ZNF254: variants seen among roughly 807,000 people sequenced by gnomAD.
ZNF254 encodes zinc finger protein 254.
In ZNF254, 10 loss-of-function variants were observed where a neutral mutation model predicts 12.4. The ratio of observed to expected loss-of-function variants is 0.80; its 90% CI spans 0.50 to 1.36. The LOEUF (loss-of-function observed/expected upper bound fraction) is 1.36, where lower values mean the gene tolerates loss of function less well. Ranked by LOEUF, ZNF254 falls within the 40% of genes most tolerant of loss-of-function variation. ZNF254 has a pLI of 0.00. For missense variants in ZNF254, 996 were observed against 763.9 expected, an observed-to-expected ratio of 1.30 and a Z score of -3.58; for synonymous variants, 305 against 253.4, an observed-to-expected ratio of 1.20 and a Z score of -1.93.
In ZNF254 at chr19:24,046,387, A is replaced by ATATATATATATATATATG. The variant is rs1291244719; in HGVS notation, c.-94+121_-94+122insATATGTATATATATATAT. 8.9e-4 allele frequency: 89 copies of ATATATATATATATATATG among 100,048 alleles called. 1 individual carries two copies. Among genetic ancestry groups the ATATATATATATATATATG allele is most frequent in the African/African-American group, 2.9e-3 (85 of 29,196 alleles). The allele number at this position is 100,048 out of a possible 1,614,324, so 6.2% of individuals were successfully genotyped here. ...TTTATTATTTTTTATATATATATAT[A>ATATATATATATATATATG]TATATATATATATGTGCAGATCTGT... is the stretch of plus-strand genomic sequence containing the variant. On this transcript the variant is annotated intron_variant, in intron 2 of 4. Transcript: ENST00000613065.
chr19:24,072,315 G>A (rs766375382), intron 2 of ZNF254, among the ~76,000 whole-genome samples: 1 of 152,032 alleles, frequency 6.6e-6, no homozygotes, highest in Non-Finnish European at 1.5e-5. Flanking sequence ...GGGGTTAGAG[G>A]CATGCACCAC....
intron 1 of ZNF254, among the ~76,000 whole-genome samples, chr19:24,038,315 A>G (rs1970039519): frequency 6.6e-6 from 1 of 152,170 alleles, no homozygotes; most frequent in Non-Finnish European, 1.5e-5. Flanking sequence ...ATTATAGCCA[A>G]TTAGCAACCA....
intron 1 of ZNF254, among the ~76,000 whole-genome samples, chr19:24,039,408 T>C (rs1413531509): frequency 6.8e-6 from 1 of 146,110 alleles, no homozygotes; most frequent in Non-Finnish European, 1.5e-5. Flanking sequence ...GGAGAAAGTT[T>C]TTTTGTTGTT....
intron 2 of ZNF254, among the ~76,000 whole-genome samples, chr19:24,063,023 A>G (rs567683138): frequency 9.0e-6 from 1 of 110,794 alleles, no homozygotes; most frequent in East Asian, 2.0e-4. Context: ...CTGGTCTTGA[A>G]CTCCTGACCT....
intron 2 of ZNF254, among the ~76,000 whole-genome samples, chr19:24,050,669 T>G (rs563730758): frequency 6.6e-6 from 1 of 152,350 alleles, no homozygotes; most frequent in African/African-American, 2.4e-5. Flanking sequence ...TTGCTGAGGT[T>G]GTGTGACTCT....
At chr19:24,080,685 TA>T in intron 2 of ZNF254, 1 of 150,026 alleles carries the variant, frequency 6.7e-6, no homozygotes, top group African/African-American at 2.5e-5. Flanking sequence ...TACAAAAAAT[TA>T]GCCAGAAATT....
At chr19:24,049,208 A>ATG (rs1370365405) in intron 2 of ZNF254, among the ~76,000 whole-genome samples, 3 of 47,570 alleles carry the variant, frequency 6.3e-5, no homozygotes, top group Admixed American at 4.7e-4. Context: ...ATATATATAT[A>ATG]TATATATTTT....
intron 2 of ZNF254, among the ~76,000 whole-genome samples, chr19:24,060,876 A>G (rs1484065596): frequency 6.6e-6 from 1 of 152,170 alleles, no homozygotes; most frequent in Admixed American, 6.5e-5. Flanking sequence ...CACCTTGATT[A>G]TGTGACTCTC....
rs576772702 is a variant in ZNF254 at position 24,053,681 on chromosome 19, A to T, written c.-94+7402A>T. Among the ~76,000 whole-genome samples, 6 of 152,170 alleles carry T rather than the reference A, an allele frequency of 3.9e-5. No homozygotes were observed. In the South Asian group the frequency reaches 1.2e-3, roughly 32 times the overall value. On this transcript the variant is annotated intron_variant, in intron 2 of 4. Transcript: ENST00000613065. ...CTGTGCTGCCTGGTTCCTCTTGTACATTGTGTATTGTGACATGTGGCTTGT... is the reference window on the plus strand; with the variant it reads ...CTGTGCTGCCTGGTTCCTCTTGTACTTTGTGTATTGTGACATGTGGCTTGT...
At chr19:24,085,236 A>G (rs189593292), upstream of ZNF254, among the ~76,000 whole-genome samples, 1 of 150,888 alleles carries the variant, frequency 6.6e-6, no homozygotes, top group Non-Finnish European at 1.5e-5. Context: ...CCAGCCCAGA[A>G]TTTTTTTTAA....
chr19:24,127,635 C>T lies in ZNF254; in HGVS notation c.1635C>T (p.Pro545=). The part of the protein sequence containing the change: ...KHKIIHTEEK[P]YKCEKCGKAF... ...AGATAATTCATACTGAAGAGAAACC[C>T]TACAAATGTGAAAAATGTGGCAAAG... The change falls in exon 4 of 4, where the codon CCC becomes CCT. Residue 545 remains proline (P), a synonymous_variant. Coordinates refer to ENST00000357002, the MANE Select transcript of ZNF254 (RefSeq NM_203282.4). The T allele has an allele frequency of 6.2e-7, 1 of 1,610,742 alleles. No homozygotes were observed. The highest frequency in any genetic ancestry group is 2.3e-5 in the East Asian group (1 of 44,412).
chr19:24,092,529 C>T (rs1314554230), intron 1 of ZNF254, among the ~76,000 whole-genome samples: 1 of 152,054 alleles, frequency 6.6e-6, no homozygotes, highest in Admixed American at 6.6e-5. Flanking sequence ...GCATGCACCA[C>T]CATACCTAGG....
intron 2 of ZNF254, among the ~76,000 whole-genome samples, chr19:24,059,466 A>G (rs1319260856): frequency 6.6e-6 from 1 of 152,032 alleles, no homozygotes; most frequent in African/African-American, 2.4e-5. Context: ...TTCTTCAGTC[A>G]TTTTCACAGG....
At chr19:24,067,613 A>G (rs1447473864) in intron 2 of ZNF254, among the ~76,000 whole-genome samples, 1 of 152,066 alleles carries the variant, frequency 6.6e-6, no homozygotes, top group African/African-American at 2.4e-5. Flanking sequence ...TCTTTTACCT[A>G]GGTGATGTGA....
intron 3 of ZNF254, among the ~76,000 whole-genome samples, chr19:24,124,721 G>T (rs1291055684): frequency 3.3e-5 from 5 of 150,524 alleles, no homozygotes; most frequent in Non-Finnish European, 7.4e-5. Flanking sequence ...ACAGTTCACT[G>T]ACTATCTCAT....
intron 1 of ZNF254, among the ~76,000 whole-genome samples, chr19:24,043,289 TCTTA>T (rs952107389): frequency 5.4e-5 from 8 of 148,548 alleles, no homozygotes; most frequent in African/African-American, 1.7e-4. Context: ...TGAGATAGAA[TCTTA>T]CTTTGTCGCC....
At chr19:24,087,510 A>C (rs1186847019) in intron 1 of ZNF254, among the ~76,000 whole-genome samples, 173 bp downstream of exon 1, 1 of 152,090 alleles carries the variant, frequency 6.6e-6, no homozygotes, top group African/African-American at 2.4e-5. Flanking sequence ...CCAGACCCCC[A>C]GGAGTCCTGT....
Position 24,128,032 on chromosome 19 carries a change from A to G in ZNF254, c.*52A>G. The G allele has an allele frequency of 6.8e-7, 1 of 1,470,104 alleles. No homozygotes were observed. Among genetic ancestry groups the G allele is most frequent in the Non-Finnish European group, 9.0e-7 (1 of 1,113,978 alleles). 91.1% of individuals were successfully genotyped at this position (1,470,104 alleles called of 1,614,324 possible). On this transcript the variant is annotated 3_prime_UTR_variant, in exon 4 of 4. Coordinates refer to ENST00000357002, the MANE Select transcript of ZNF254 (RefSeq NM_203282.4). ...CTCAATTCTTAATAGATATAAGATT[A>G]TTCCTACTGGAGAGAAACTACAAAC...
chr19:24,116,896 T>A (rs1974116210), intron 3 of ZNF254, among the ~76,000 whole-genome samples: 1 of 152,182 alleles, frequency 6.6e-6, no homozygotes, highest in Non-Finnish European at 1.5e-5. Flanking sequence ...TTCTGTTTGT[T>A]AGTTTTCCTT....
Sources: gnomAD v4.1 joint callset for allele counts (sites outside exome capture counted in the v4.1 genomes callset) on GRCh38, gnomAD v4.1.1 for gene constraint, MANE v1.5 for transcripts, NCBI Gene and HGNC (gene_info 2026-07-23, HGNC 2026-07-21) for gene names.